The following PDE6B variants were observed in gnomAD, a reference collection of about 807,000 sequenced individuals.
The protein encoded by PDE6B is phosphodiesterase 6B.
PDE6B carries 106 observed loss-of-function variants against 109.0 expected under a neutral mutation model. The ratio of observed to expected loss-of-function variants is 0.97; its 90% CI spans 0.83 to 1.14. The LOEUF (loss-of-function observed/expected upper bound fraction) is 1.14, where lower values mean the gene tolerates loss of function less well. Ranked by LOEUF, PDE6B falls within the 50% of genes most tolerant of loss-of-function variation. The pLI, the probability that PDE6B is intolerant of heterozygous loss-of-function variation, is 0.00. For synonymous variants in PDE6B, 490 were observed against 471.3 expected (o/e 1.04, Z -0.51); for missense variants, 1,193 against 1,155.6 (o/e 1.03, Z -0.47).
At position 662,179 on chromosome 4, in the gene PDE6B, A is replaced by G. The variant is rs1293093659; in HGVS notation, c.1660A>G (p.Ile554Val). The change falls in exon 13 of 22, where the codon ATC (isoleucine) becomes GTC (valine). Residue 554 changes from isoleucine to valine, a missense_variant. Coordinates refer to ENST00000496514, the MANE Select transcript of PDE6B (RefSeq NM_000283.4). This position sits in a 1 kb window ranked among gnomAD's most constrained non-coding sequence, Gnocchi z 4.3. The part of the protein sequence containing the change: ...LFSISKGYRR[I>V]TYHNWRHGFN... ...CTCCATCAGCAAAGGGTACCGGAGA[A>G]TCACCTACCACAACTGGCGCCACGG... 2 of 1,581,226 alleles carry G rather than the reference A, an allele frequency of 1.3e-6. No homozygotes were observed. Among genetic ancestry groups the G allele is most frequent in the South Asian group, 1.2e-5 (1 of 86,810 alleles).
rs567068508 is a variant in PDE6B, at chr4:648,992, G to A, written c.712-4860G>A. Among the ~76,000 whole-genome samples the A allele has an allele frequency of 1.8e-3, 281 of 152,332 alleles. No homozygotes were observed. The highest frequency in any genetic ancestry group is 6.5e-3 in the African/African-American group (269 of 41,580). On this transcript the variant is annotated intron_variant, in intron 3 of 21. Transcript: ENST00000496514. The surrounding 1 kb of genome is among the most constrained non-coding windows in gnomAD (Gnocchi z 4.5). ...AGTGAGAGGCGGCCAGGAGGGGCGG[G>A]CGTGGTCTGTCCACACCGGGCAGTG...
At position 657,335 on chromosome 4, in the gene PDE6B, CTG is replaced by C; in HGVS notation, c.1258-15_1258-14del. The C allele has an allele frequency of 6.2e-7, 1 of 1,612,668 alleles. No individual in the cohort carries two copies. Among genetic ancestry groups the C allele is most frequent in the Non-Finnish European group, 8.5e-7 (1 of 1,179,770 alleles). On this transcript the variant is annotated splice_polypyrimidine_tract_variant and intron_variant, in intron 9 of 21. Coordinates refer to ENST00000496514, the MANE Select transcript of PDE6B (RefSeq NM_000283.4). Reference sequence around the variant, plus strand: ...CCGGGAGCGCTGAGCGCCAGTGACACTGCCATCCCCTCCAGTCCCTGACACAG... The same window carrying C: ...CCGGGAGCGCTGAGCGCCAGTGACACCCATCCCCTCCAGTCCCTGACACAG...
Position 626,490 on chromosome 4 carries a change from TG to T in PDE6B, c.468+399del, listed in dbSNP as rs936697483. Among the ~76,000 whole-genome samples, 1 of 152,174 alleles carries T rather than the reference TG, an allele frequency of 6.6e-6. No individual in the cohort carries two copies. Among genetic ancestry groups the T allele is most frequent in the African/African-American group, 2.4e-5 (1 of 41,446 alleles). The stretch of plus-strand genomic sequence containing the variant: ...ATGGGGGCTTCAGGGCTCTCTGGGC[TG>T]GGAGGGAGGCCCTGCCTTGGGATTT... On this transcript the variant is annotated intron_variant, in intron 1 of 21. Transcript: ENST00000496514. The surrounding 1 kb of genome is among the most constrained non-coding windows in gnomAD (Gnocchi z 4.6).
At chr4:627,848 A>C (rs2109118277) in intron 1 of PDE6B, among the ~76,000 whole-genome samples, 4 of 146,548 alleles carry the variant, frequency 2.7e-5, no homozygotes, top group African/African-American at 2.5e-5. Context: ...CCACCCCTTC[A>C]CCCCTTTGTC....
In PDE6B at chr4:666,091, C is replaced by T. The variant is rs558717536; in HGVS notation, c.2269-440C>T. Among the ~76,000 whole-genome samples, 7 of 152,252 alleles carry T rather than the reference C, an allele frequency of 4.6e-5. No homozygotes were observed. In the East Asian group the frequency reaches 7.7e-4, roughly 17 times the overall value. ...GAGGGGACGGACAGCCCAGGGCACT[C>T]GGGGTCTGACACTAGAAACAGCTCC... On this transcript the variant is annotated intron_variant, in intron 19 of 21. Transcript: ENST00000496514. This position sits in a 1 kb window ranked among gnomAD's most constrained non-coding sequence, Gnocchi z 5.6.
chr4:655,629 G>A (rs1359547320), intron 6 of PDE6B: 14 of 478,276 alleles, frequency 2.9e-5, no homozygotes, highest in East Asian at 8.0e-5. Context: ...TGGCCTCCTC[G>A]CCTCCTGAAC....
Position 663,815 on chromosome 4 carries a change from G to A in PDE6B, c.1966G>A (p.Val656Met), listed in dbSNP as rs1737436611. The A allele has an allele frequency of 1.2e-6, 2 of 1,612,208 alleles. No individual in the cohort carries two copies. The highest frequency in any genetic ancestry group is 1.7e-6 in the Non-Finnish European group (2 of 1,179,370). Residue 656 changes from valine to methionine, a missense_variant, in exon 16 of 22, where the codon GTG (valine) becomes ATG (methionine). Val to Met is a conservative substitution (Grantham distance 21). Transcript: ENST00000496514. This position sits in a 1 kb window ranked among gnomAD's most constrained non-coding sequence, Gnocchi z 4.0. ...CCTGAACCGGCGGCAGCACGAGCAC[G>A]TGATCCACCTGATGGACATCGCCAT... is the stretch of plus-strand genomic sequence containing the variant. ...QNLNRRQHEH[V>M]IHLMDIAIIA...
intron 9 of PDE6B, 126 bp downstream of exon 9, chr4:657,149 G>A (rs1400967212): frequency 3.3e-6 from 4 of 1,207,704 alleles, no homozygotes; most frequent in Non-Finnish European, 4.9e-6. Context: ...CGGTATGCAT[G>A]CGGCCAGGGA....
intron 20 of PDE6B, among the ~76,000 whole-genome samples, chr4:667,378 C>T (rs1737914348): frequency 6.6e-6 from 1 of 152,186 alleles, no homozygotes; most frequent in Non-Finnish European, 1.5e-5. Flanking sequence ...CTGAAGTGGC[C>T]ACAGGTCACG....
At position 663,736 on chromosome 4, in the gene PDE6B, A is replaced by C. The variant is rs1186052930; in HGVS notation, c.1921-34A>C. On this transcript the variant is annotated intron_variant, in intron 15 of 21. Transcript: ENST00000496514. This position sits in a 1 kb window ranked among gnomAD's most constrained non-coding sequence, Gnocchi z 4.0. Reference sequence around the variant, plus strand: ...CCCGGGCACCCTGAGAGGTGGCCGCAGGGCGCCTGACGCGCTGGGCATAAC... The same window carrying C: ...CCCGGGCACCCTGAGAGGTGGCCGCCGGGCGCCTGACGCGCTGGGCATAAC... 1.3e-6 allele frequency: 2 copies of C among 1,541,212 alleles called. No individual in the cohort carries two copies. Among genetic ancestry groups the C allele is most frequent in the Non-Finnish European group, 1.8e-6 (2 of 1,116,242 alleles).
Position 626,780 on chromosome 4 carries a change from G to A in PDE6B, c.468+686G>A, listed in dbSNP as rs1398554177. On this transcript the variant is annotated intron_variant, in intron 1 of 21. Transcript: ENST00000496514. This position sits in a 1 kb window ranked among gnomAD's most constrained non-coding sequence, Gnocchi z 4.6. ...CTGTTCATGCAAAGCCTGGGCTAGG[G>A]CAGACGCTTCCCGAGGACAGAGGCG... 6.6e-6 allele frequency among the ~76,000 whole-genome samples: 1 copy of A among 152,230 alleles called. No individual in the cohort carries two copies. The highest frequency in any genetic ancestry group is 1.5e-5 in the Non-Finnish European group (1 of 68,034).
In PDE6B at chr4:625,652, G is replaced by T; in HGVS notation, c.26G>T (p.Arg9Leu). The T allele has an allele frequency of 6.2e-7, 1 of 1,613,764 alleles. No homozygotes were observed. The highest frequency in any genetic ancestry group is 8.5e-7 in the Non-Finnish European group (1 of 1,179,782). Residue 9 changes from arginine to leucine, a missense_variant, in exon 1 of 22, where the codon CGG becomes CTG. Coordinates refer to ENST00000496514, the MANE Select transcript of PDE6B (RefSeq NM_000283.4). The surrounding 1 kb of genome is among the most constrained non-coding windows in gnomAD (Gnocchi z 5.0). The stretch of plus-strand genomic sequence containing the variant: ...ATGAGCCTCAGTGAGGAGCAGGCCC[G>T]GAGCTTTCTGGACCAGAACCCCGAT... The part of the protein sequence containing the change: MSLSEEQA[R>L]SFLDQNPDFA...
intron 3 of PDE6B, among the ~76,000 whole-genome samples, chr4:649,021 G>A (rs888765530): frequency 6.6e-6 from 1 of 152,144 alleles, no homozygotes; most frequent in Non-Finnish European, 1.5e-5. Context: ...GGCAGTGGCG[G>A]GAGCCTGTTG....
Position 670,517 on chromosome 4 carries a change from C to T in PDE6B, c.*410C>T, listed in dbSNP as rs1248588533. On this transcript the variant is annotated 3_prime_UTR_variant, in exon 22 of 22. Coordinates refer to ENST00000496514, the MANE Select transcript of PDE6B (RefSeq NM_000283.4). ...TCAGCTTCCTGAAGTGCTGGGATTA[C>T]AGGCATGAGCCACCACGCCCAGCCT... The T allele has an allele frequency of 1.3e-5, 3 of 229,628 alleles. No individual in the cohort carries two copies. Among genetic ancestry groups the T allele is most frequent in the East Asian group, 1.2e-4 (1 of 8,390 alleles). The allele number at this position is 229,628 out of a possible 1,614,324, so 14.2% of individuals were successfully genotyped here.
chr4:631,479 C>T (rs1734380661), intron 1 of PDE6B, among the ~76,000 whole-genome samples: 1 of 149,406 alleles, frequency 6.7e-6, no homozygotes, highest in Non-Finnish European at 1.5e-5. Context: ...GTGTGGATCC[C>T]TGTGGCGCTG....
Position 670,535 on chromosome 4 carries a change from C to A in PDE6B, c.*428C>A. ...GGGATTACAGGCATGAGCCACCACG[C>A]CCAGCCTGTTTTTATAAACTGAAGC... On this transcript the variant is annotated 3_prime_UTR_variant, in exon 22 of 22. Coordinates refer to ENST00000496514, the MANE Select transcript of PDE6B (RefSeq NM_000283.4). 1 of 213,314 alleles carries A rather than the reference C, an allele frequency of 4.7e-6. No homozygotes were observed. Among genetic ancestry groups the A allele is most frequent in the Non-Finnish European group, 9.6e-6 (1 of 103,834 alleles). 13.2% of individuals were successfully genotyped at this position (213,314 alleles called of 1,614,324 possible).
intron 16 of PDE6B, 112 bp from the exon 17 acceptor site, chr4:664,002 G>T (rs1186514392): frequency 5.3e-6 from 6 of 1,124,930 alleles, no homozygotes; most frequent in Non-Finnish European, 8.1e-6. Context: ...CGCCGGCCCC[G>T]CGCACCCCGG....
At position 648,423 on chromosome 4, in the gene PDE6B, G is replaced by A. The variant is rs1735316338; in HGVS notation, c.712-5429G>A. 6.6e-6 allele frequency among the ~76,000 whole-genome samples: 1 copy of A among 150,504 alleles called. No individual in the cohort carries two copies. Among genetic ancestry groups the A allele is most frequent in the Non-Finnish European group, 1.5e-5 (1 of 68,010 alleles). On this transcript the variant is annotated intron_variant, in intron 3 of 21. Coordinates refer to ENST00000496514, the MANE Select transcript of PDE6B (RefSeq NM_000283.4). This position sits in a 1 kb window ranked among gnomAD's most constrained non-coding sequence, Gnocchi z 4.5. ...TAAAAGTTTGTGATGAGCAAAGATT[G>A]GCCCCCGCAGTCCGCCCAACGCCTG...
chr4:657,312 G>A (rs755615226), intron 9 of PDE6B, 39 bp from the exon 10 acceptor site: 17 of 1,611,232 alleles, frequency 1.1e-5, no homozygotes, highest in Admixed American at 3.3e-5. Context: ...GGGGCGCGCC[G>A]GGAGCGCTGA....
Sources: allele counts gnomAD v4.1 joint callset (sites outside exome capture counted in the v4.1 genomes callset), GRCh38; gene constraint gnomAD v4.1.1; non-coding constraint Gnocchi (gnomAD v3.1); transcripts MANE v1.5; gene names NCBI Gene and HGNC (gene_info 2026-07-23, HGNC 2026-07-21).